Variants in MTCL1 observed in about 807,000 individuals in gnomAD.
The protein encoded by MTCL1 is microtubule cross-linking factor 1.
MTCL1 carries 79 observed loss-of-function variants against 141.4 expected under a neutral mutation model. That is an observed-to-expected ratio of 0.56 (90% CI 0.47 to 0.67). MTCL1 has a LOEUF of 0.67. Among genes scored for constraint, MTCL1 ranks in the 30% least tolerant of loss-of-function variants. MTCL1 has a pLI of 0.00. For missense variants in MTCL1, 2,177 were observed against 2,113.9 expected (o/e 1.03, Z -0.59); for synonymous variants, 914 against 875.8 (o/e 1.04, Z -0.77).
At chr18:8,770,526 GCTAATCC>G (rs2096481052) in intron 4 of MTCL1, among the ~76,000 whole-genome samples, 1 of 152,184 alleles carries the variant, frequency 6.6e-6, no homozygotes, top group Admixed American at 6.5e-5. Flanking sequence ...TTACAAGGAC[GCTAATCC>G]CATTGTGGGG....
chr18:8,820,271 G>A (rs975652187), intron 13 of MTCL1, among the ~76,000 whole-genome samples: 4 of 151,992 alleles, frequency 2.6e-5, no homozygotes, highest in East Asian at 1.9e-4. Context: ...TTAGCCAGGC[G>A]TGGTGGCGGG....
chr18:8,824,029 A>G (rs562447045), intron 14 of MTCL1, among the ~76,000 whole-genome samples: 2 of 151,996 alleles, frequency 1.3e-5, no homozygotes, highest in South Asian at 2.1e-4. Flanking sequence ...GCCCCATCCC[A>G]CCCCAGCTGG....
rs903714458 is a variant in MTCL1, at chr18:8,779,672, C to G, written c.417+1780C>G. On this transcript the variant is annotated intron_variant, in intron 5 of 16. Transcript: ENST00000359865. The surrounding 1 kb of genome is among the most constrained non-coding windows in gnomAD (Gnocchi z 4.1). ...GTCTGACTCCTTCATTTAATATACA[C>G]TCTCCCATGGCTTCCAGGACAGTCT... Among the ~76,000 whole-genome samples, 2 of 152,088 alleles carry G rather than the reference C, an allele frequency of 1.3e-5. No individual in the cohort carries two copies. Among genetic ancestry groups the G allele is most frequent in the Non-Finnish European group, 2.9e-5 (2 of 68,032 alleles).
chr18:8,706,530 G>A (rs1424683159), exon 1 of MTCL1: 4 of 1,366,990 alleles, frequency 2.9e-6, no homozygotes, highest in African/African-American at 3.1e-5. Flanking sequence ...GCGGGGTTTC[G>A]GGGGGTTTCG....
chr18:8,715,341 C>T (rs2096122077), upstream of MTCL1, among the ~76,000 whole-genome samples: 1 of 152,114 alleles, frequency 6.6e-6, no homozygotes, highest in African/African-American at 2.4e-5. Flanking sequence ...CATCTTAGGG[C>T]TATATTGCAT....
intron 11 of MTCL1, chr18:8,809,939 T>C: frequency 5.6e-6 from 1 of 178,178 alleles, no homozygotes; most frequent in African/African-American, 2.4e-5. Flanking sequence ...TGAAAGGAAC[T>C]CATAGAAGGA....
At chr18:8,710,169 C>A (rs1320275251) in intron 1 of MTCL1, among the ~76,000 whole-genome samples, 6 of 152,212 alleles carry the variant, frequency 3.9e-5, no homozygotes, top group Non-Finnish European at 2.9e-5. Context: ...TAGTCAGTGT[C>A]AACAGAGAAG....
upstream of MTCL1, among the ~76,000 whole-genome samples, chr18:8,712,421 A>G (rs1273329833): frequency 6.6e-6 from 1 of 152,164 alleles, no homozygotes; most frequent in Non-Finnish European, 1.5e-5. Flanking sequence ...TGGGCTGCCC[A>G]GATGCCGGGT....
chr18:8,799,969 G>A (rs1032191765), intron 10 of MTCL1, among the ~76,000 whole-genome samples: 4 of 152,228 alleles, frequency 2.6e-5, no homozygotes, highest in African/African-American at 9.6e-5. Context: ...TGCGGGCCAT[G>A]TGTGATAGAA....
intron 4 of MTCL1, among the ~76,000 whole-genome samples, chr18:8,765,383 A>G (rs540721056): frequency 1.2e-3 from 183 of 152,282 alleles, no homozygotes; most frequent in Non-Finnish European, 2.1e-3. Flanking sequence ...TGAAAGAGCA[A>G]AAGTACCTCC....
chr18:8,814,237 C>A (rs1348690454), intron 12 of MTCL1, among the ~76,000 whole-genome samples: 2 of 152,062 alleles, frequency 1.3e-5, no homozygotes, highest in African/African-American at 2.4e-5. Flanking sequence ...GTAAGAAAGA[C>A]CAAGAGGCTT....
At chr18:8,720,065 G>T (rs867249181) in intron 3 of MTCL1, 20 of 325,710 alleles carry the variant, frequency 6.1e-5, no homozygotes, top group South Asian at 2.0e-4. Flanking sequence ...AGTTTGGGGG[G>T]GTTGGATACC....
upstream of MTCL1, chr18:8,705,601 C>T: frequency 8.3e-7 from 1 of 1,207,802 alleles, no homozygotes; most frequent in Non-Finnish European, 1.0e-6. This position sits in a 1 kb window ranked among gnomAD's most constrained non-coding sequence, Gnocchi z 5.2. Flanking sequence ...CCGCCGCCGC[C>T]GCCGCCGCCG....
exon 6 of MTCL1, chr18:8,783,638 G>A: frequency 6.2e-7 from 1 of 1,613,552 alleles, no homozygotes; most frequent in African/African-American, 1.3e-5. Flanking sequence ...GCTGGAGCAG[G>A]AGCTCCAGAA....
rs905786293 is a variant in MTCL1 at position 8,705,720 on chromosome 18, C to G, written c.60C>G (p.Pro20=). 1.1e-5 allele frequency: 13 copies of G among 1,204,796 alleles called. No individual in the cohort carries two copies. The African/African-American group carries it at 1.3e-4, about 12-fold the overall frequency. 74.6% of individuals were successfully genotyped at this position (1,204,796 alleles called of 1,614,324 possible). A position where few individuals can be genotyped will look rare whatever the true frequency, so the allele number is the denominator to read the frequency against. The change falls in exon 1 of 14, where the codon CCC becomes CCG. Residue 20 remains proline (P), a synonymous_variant. Coordinates refer to the MTCL1 transcript ENST00000306329. This position sits in a 1 kb window ranked among gnomAD's most constrained non-coding sequence, Gnocchi z 5.2. ...CCCCGGACGCGAAGCTGCAGCCGCC[C>G]GGCCAGCACCACCGCCACCACCACC...
At chr18:8,782,714 G>GTC (rs1366001090) in intron 5 of MTCL1, 1 of 152,244 alleles carries the variant, frequency 6.6e-6, no homozygotes, top group Non-Finnish European at 1.5e-5. Context: ...AAAGGGAAAG[G>GTC]AACGTAAGTA....
chr18:8,779,859 C>G lies in MTCL1; in HGVS notation c.417+1967C>G, dbSNP rs1323038922. 6.6e-6 allele frequency among the ~76,000 whole-genome samples: 1 copy of G among 152,006 alleles called. No homozygotes were observed. The highest frequency in any genetic ancestry group is 6.6e-5 in the Admixed American group (1 of 15,266). ...ATCCTCAGGTAATCTACAAATTGACCCTTGTTAGAGTATGTCATAGGATCT... is the reference window on the plus strand; with the variant it reads ...ATCCTCAGGTAATCTACAAATTGACGCTTGTTAGAGTATGTCATAGGATCT... On this transcript the variant is annotated intron_variant, in intron 5 of 16. Transcript: ENST00000359865. The surrounding 1 kb of genome is among the most constrained non-coding windows in gnomAD (Gnocchi z 4.1).
chr18:8,725,928 T>G (rs1331674094), intron 4 of MTCL1, among the ~76,000 whole-genome samples: 1 of 151,800 alleles, frequency 6.6e-6, no homozygotes, highest in African/African-American at 2.4e-5. Flanking sequence ...CAGCTGGGAC[T>G]ACAGGCACCC....
At position 8,796,587 on chromosome 18, in the gene MTCL1, C is replaced by T. The variant is rs966528815; in HGVS notation, c.2241+125C>T. The stretch of plus-strand genomic sequence containing the variant: ...ATTTTATTTCTCAATATTTGGTTAA[C>T]ATCTAATATTGCAAAAAAGATGTAG... On this transcript the variant is annotated intron_variant, in intron 9 of 16. Transcript: ENST00000359865. 1.5e-5 allele frequency: 15 copies of T among 1,002,476 alleles called. No individual in the cohort carries two copies. The East Asian group carries it at 3.2e-4, about 21-fold the overall frequency. The allele number at this position is 1,002,476 out of a possible 1,614,324, so 62.1% of individuals were successfully genotyped here.
Sources: allele counts gnomAD v4.1 joint callset (sites outside exome capture counted in the v4.1 genomes callset), GRCh38; gene constraint gnomAD v4.1.1; non-coding constraint Gnocchi (gnomAD v3.1); transcripts MANE v1.5; gene names NCBI Gene and HGNC (gene_info 2026-07-23, HGNC 2026-07-21).